Variants in DOCK5 observed in about 807,000 individuals in gnomAD.
DOCK5 encodes the protein dedicator of cytokinesis protein 5.
DOCK5 carries 142 observed loss-of-function variants against 251.8 expected under a neutral mutation model. That is an observed-to-expected ratio of 0.56 (90% CI 0.49 to 0.65). The LOEUF (loss-of-function observed/expected upper bound fraction) is 0.65, where lower values mean the gene tolerates loss of function less well. Among genes scored for constraint, DOCK5 ranks in the 30% least tolerant of loss-of-function variants. The pLI, the probability that DOCK5 is intolerant of heterozygous loss-of-function variation, is 0.00. For missense variants in DOCK5, 2,111 were observed against 2,312.3 expected, an observed-to-expected ratio of 0.91 and a Z score of 1.79; for synonymous variants, 842 against 835.5, an observed-to-expected ratio of 1.01 and a Z score of -0.13.
chr8:25,342,893 G>C (rs1165785681), intron 25 of DOCK5, among the ~76,000 whole-genome samples: 3 of 150,832 alleles, frequency 2.0e-5, no homozygotes, highest in Non-Finnish European at 3.0e-5. Flanking sequence ...TTTTAGTAAA[G>C]ACGGGGTTTC....
intron 5 of DOCK5, among the ~76,000 whole-genome samples, chr8:25,289,223 A>G (rs927124013): frequency 6.6e-6 from 1 of 152,170 alleles, no homozygotes; most frequent in African/African-American, 2.4e-5. Context: ...TGTCCTTAGG[A>G]TCGTCATAGA....
chr8:25,350,115 C>T (rs1007048526), intron 26 of DOCK5, among the ~76,000 whole-genome samples: 1 of 152,030 alleles, frequency 6.6e-6, no homozygotes, highest in African/African-American at 2.4e-5. Flanking sequence ...GCATGGGTGG[C>T]AATAGATGTG....
At chr8:25,207,211 A>G (rs74361557) in intron 1 of DOCK5, among the ~76,000 whole-genome samples, 4 of 152,166 alleles carry the variant, frequency 2.6e-5, no homozygotes, top group Admixed American at 6.5e-5. Context: ...ATGAAGTTTG[A>G]TGAAAGAAGT....
intron 1 of DOCK5, among the ~76,000 whole-genome samples, chr8:25,233,907 A>G (rs1313259267): frequency 2.0e-5 from 3 of 152,220 alleles, no homozygotes; most frequent in Non-Finnish European, 2.9e-5. Flanking sequence ...CTATGTACAC[A>G]TGTCCTATCC....
intron 40 of DOCK5, among the ~76,000 whole-genome samples, chr8:25,384,625 A>C (rs1801132358): frequency 6.6e-6 from 1 of 151,432 alleles, no homozygotes; most frequent in Non-Finnish European, 1.5e-5. Context: ...AGGCCCAGCT[A>C]ATTTTTTGTA....
chr8:25,373,596 T>A, intron 35 of DOCK5, 22 bp from the exon 36 acceptor site: 1 of 1,549,944 alleles, frequency 6.5e-7, no homozygotes, highest in East Asian at 2.3e-5. Flanking sequence ...TGGGATTCTG[T>A]GATCCTTTTT....
chr8:25,372,622 G>T lies in DOCK5; in HGVS notation c.3588G>T (p.Leu1196=), dbSNP rs564647709. 6.2e-7 allele frequency: 1 copy of T among 1,608,248 alleles called. No individual in the cohort carries two copies. Among genetic ancestry groups the T allele is most frequent in the East Asian group, 2.2e-5 (1 of 44,622 alleles). The part of the protein sequence containing the change: ...LSSSGEVFAL[L]VSSLLENLLD... ...GCTCTGGGGAGGTCTTCGCCCTCCT[G>T]GTCAGCAGCCTCTTAGAGAACCTGC... The change falls in exon 35 of 52, where the codon CTG becomes CTT. Residue 1196 remains leucine, a synonymous_variant. Transcript: ENST00000276440.
At chr8:25,371,850 T>A (rs1264491689) in intron 34 of DOCK5, among the ~76,000 whole-genome samples, 1 of 152,208 alleles carries the variant, frequency 6.6e-6, no homozygotes, top group African/African-American at 2.4e-5. Flanking sequence ...TCTGGATTAA[T>A]GTGTTGGACC....
At chr8:25,265,421 G>A (rs890109558) in intron 2 of DOCK5, among the ~76,000 whole-genome samples, 2 of 151,742 alleles carry the variant, frequency 1.3e-5, no homozygotes, top group African/African-American at 2.4e-5. Context: ...CAACTTCCTC[G>A]CTTGATTTGT....
chr8:25,403,452 C>A, intron 47 of DOCK5, 106 bp from the exon 48 acceptor site: 1 of 1,206,144 alleles, frequency 8.3e-7, no homozygotes. Context: ...GCCACATAAC[C>A]AGTACAGATG....
chr8:25,382,369 C>T (rs1258925751), intron 39 of DOCK5, among the ~76,000 whole-genome samples: 1 of 152,118 alleles, frequency 6.6e-6, no homozygotes, highest in African/African-American at 2.4e-5. Context: ...TTTTGTAGTC[C>T]CTGAGCCCAC....
Position 25,359,038 on chromosome 8 carries a change from T to C in DOCK5, c.2926T>C (p.Phe976Leu). The C allele has an allele frequency of 6.2e-7, 1 of 1,613,992 alleles. No individual in the cohort carries two copies. Among genetic ancestry groups the C allele is most frequent in the Non-Finnish European group, 8.5e-7 (1 of 1,179,866 alleles). ...DSHYSHYIST[F>L]KTRQDIIDFL... ...CCACTATAGCCACTACATCAGCACT[T>C]TCAAAACCAGACAAGACATCATCGT... The change falls in exon 28 of 52, where the codon TTC becomes CTC. Residue 976 changes from phenylalanine to leucine, a missense_variant. Physicochemically the swap from Phe to Leu is conservative, Grantham distance 22. Coordinates refer to ENST00000276440, the MANE Select transcript of DOCK5 (RefSeq NM_024940.8).
intron 22 of DOCK5, among the ~76,000 whole-genome samples, chr8:25,337,347 T>C (rs1805839487): frequency 6.6e-6 from 1 of 152,108 alleles, no homozygotes; most frequent in African/African-American, 2.4e-5. Flanking sequence ...TCAGTTTTGA[T>C]GCTAATGGAG....
At chr8:25,245,340 G>A (rs190632062) in intron 2 of DOCK5, among the ~76,000 whole-genome samples, 1 of 152,316 alleles carries the variant, frequency 6.6e-6, no homozygotes, top group East Asian at 1.9e-4. Context: ...ACAGGTGTGA[G>A]TCACTGCGCC....
At chr8:25,336,176 T>G (rs1230320659) in intron 21 of DOCK5, 63 bp from the exon 22 acceptor site, 2 of 1,549,342 alleles carry the variant, frequency 1.3e-6, no homozygotes, top group Non-Finnish European at 1.8e-6. Flanking sequence ...CTTAGATAAC[T>G]TACCCAAGCC....
intron 18 of DOCK5, among the ~76,000 whole-genome samples, chr8:25,331,450 G>A (rs1805680515): frequency 6.6e-6 from 1 of 152,058 alleles, no homozygotes; most frequent in Non-Finnish European, 1.5e-5. Context: ...AAACCTGTAA[G>A]TGGCTTAAAG....
Position 25,268,835 on chromosome 8 carries a change from G to C in DOCK5, c.128-10G>C, listed in dbSNP as rs1803832126. 3 of 1,572,420 alleles carry C rather than the reference G, an allele frequency of 1.9e-6. No homozygotes were observed. The African/African-American group carries it at 4.1e-5, about 21-fold the overall frequency. On this transcript the variant is annotated splice_polypyrimidine_tract_variant and intron_variant, in intron 2 of 51. Transcript: ENST00000276440. The stretch of plus-strand genomic sequence containing the variant: ...CATAAAATATTTTGTGTTCTCTTTT[G>C]CTCTGACAGGTTGGTACAGAGGATA...
intron 14 of DOCK5, among the ~76,000 whole-genome samples, chr8:25,317,886 C>T (rs1013828805): frequency 3.9e-5 from 6 of 152,140 alleles, no homozygotes; most frequent in African/African-American, 1.2e-4. Context: ...GCTGGGATTA[C>T]AGGCGTGAGC....
chr8:25,317,384 G>A (rs1437206778), intron 14 of DOCK5: 5 of 350,722 alleles, frequency 1.4e-5, no homozygotes, highest in East Asian at 9.7e-5. Flanking sequence ...ATGATTTTAT[G>A]TGTAAGCTTC....
Sources: allele counts gnomAD v4.1 joint callset (sites outside exome capture counted in the v4.1 genomes callset), GRCh38; gene constraint gnomAD v4.1.1; transcripts MANE v1.5; gene names NCBI Gene and HGNC (gene_info 2026-07-23, HGNC 2026-07-21).